MAPK10: variants seen among roughly 807,000 people sequenced by gnomAD.
MAPK10 encodes mitogen-activated protein kinase 10.
In MAPK10, 25 loss-of-function variants were observed where a neutral mutation model predicts 59.3. The ratio of observed to expected loss-of-function variants is 0.42; its 90% CI spans 0.31 to 0.59. The LOEUF (loss-of-function observed/expected upper bound fraction) is 0.59. Among genes scored for constraint, MAPK10 ranks in the 20% least tolerant of loss-of-function variants. The pLI, the probability that MAPK10 is intolerant of heterozygous loss-of-function variation, is 0.15. For missense variants in MAPK10, 351 were observed against 568.9 expected, an observed-to-expected ratio of 0.62 and a Z score of 3.90; for synonymous variants, 190 against 200.5, an observed-to-expected ratio of 0.95 and a Z score of 0.44.
Position 86,367,653 on chromosome 4 carries a change from T to G in MAPK10, c.-121-13009A>C, listed in dbSNP as rs6816691. ...GTATTCTTATGTAGCAAGCATTTGTTTTTTTTTTTGTTTTGTTTTGTTTTT... is the reference window on the plus strand; with the variant it reads ...GTATTCTTATGTAGCAAGCATTTGTGTTTTTTTTTGTTTTGTTTTGTTTTT... On this transcript the variant is annotated intron_variant, in intron 1 of 13. Coordinates refer to the MAPK10 transcript ENST00000361569. Among the ~76,000 whole-genome samples, 308 of 150,650 alleles carry G rather than the reference T, an allele frequency of 2.0e-3. 1 individual carries two copies. The highest frequency in any genetic ancestry group is 6.9e-3 in the African/African-American group (284 of 41,178).
chr4:86,114,180 G>T (rs1213986997), intron 4 of MAPK10, among the ~76,000 whole-genome samples: 1 of 152,104 alleles, frequency 6.6e-6, no homozygotes, highest in African/African-American at 2.4e-5. Context: ...GCTCAGCAAA[G>T]TTCGTTATTA....
chr4:86,444,284 G>T (rs918314663), intron 1 of MAPK10, among the ~76,000 whole-genome samples: 5 of 151,998 alleles, frequency 3.3e-5, no homozygotes, highest in Non-Finnish European at 5.9e-5. Context: ...GTATTCAAAT[G>T]GCAGAAAATC....
intron 1 of MAPK10, among the ~76,000 whole-genome samples, chr4:86,502,783 C>T (rs572653062): frequency 1.3e-5 from 2 of 152,174 alleles, no homozygotes; most frequent in Admixed American, 6.5e-5. Context: ...TTTCAGTCAA[C>T]GTTTATCTCT....
intron 1 of MAPK10, among the ~76,000 whole-genome samples, chr4:86,512,034 C>T: frequency 6.6e-6 from 1 of 152,008 alleles, no homozygotes; most frequent in East Asian, 1.9e-4. Flanking sequence ...TCAAGCAGAA[C>T]AAAAATTACA....
chr4:86,569,780 T>C (rs1761324300), intron 1 of MAPK10, among the ~76,000 whole-genome samples: 1 of 151,906 alleles, frequency 6.6e-6, no homozygotes, highest in South Asian at 2.1e-4. Context: ...AATGGAGTAA[T>C]AGACACTGGG....
At chr4:86,460,929 G>A (rs1250576921) in intron 1 of MAPK10, among the ~76,000 whole-genome samples, 1 of 152,154 alleles carries the variant, frequency 6.6e-6, no homozygotes, top group African/African-American at 2.4e-5. Context: ...TGAAGGCTGT[G>A]AGACCCCTGA....
At chr4:86,538,008 G>A (rs992957827) in intron 1 of MAPK10, among the ~76,000 whole-genome samples, 1 of 152,094 alleles carries the variant, frequency 6.6e-6, no homozygotes. Context: ...ATGGATTGGT[G>A]TAGTAAGATA....
chr4:86,397,457 G>T lies in MAPK10; in HGVS notation c.-121-42813C>A, dbSNP rs536067518. On this transcript the variant is annotated intron_variant, in intron 1 of 13. Transcript: ENST00000361569. Reference sequence around the variant, plus strand: ...ACATATTTCATGTAGTATTGCCAAGGGATAGAGAGTACTTTAAGACAGATG... The same window carrying T: ...ACATATTTCATGTAGTATTGCCAAGTGATAGAGAGTACTTTAAGACAGATG... Among the ~76,000 whole-genome samples, 15 of 152,166 alleles carry T rather than the reference G, an allele frequency of 9.9e-5. No homozygotes were observed. The East Asian group carries it at 2.9e-3, about 29-fold the overall frequency.
intron 2 of MAPK10, among the ~76,000 whole-genome samples, chr4:86,240,037 G>T (rs11942108): frequency 5.3e-5 from 8 of 152,066 alleles, no homozygotes; most frequent in Admixed American, 6.6e-5. Context: ...CAGAGACTCT[G>T]GTATGTTGTC....
intron 4 of MAPK10, among the ~76,000 whole-genome samples, chr4:86,128,513 G>A (rs1291005337): frequency 3.3e-5 from 5 of 152,024 alleles, no homozygotes; most frequent in African/African-American, 9.7e-5. Context: ...GAAGAAGGAC[G>A]TGTTTGCTTC....
intron 1 of MAPK10, among the ~76,000 whole-genome samples, chr4:86,575,906 A>G (rs1054362141): frequency 1.8e-4 from 27 of 152,048 alleles, no homozygotes; most frequent in African/African-American, 6.5e-4. Context: ...AAAAAATAGC[A>G]TTTGGAGTAA....
intron 2 of MAPK10, among the ~76,000 whole-genome samples, chr4:86,256,069 C>G (rs1299843825): frequency 6.6e-6 from 1 of 152,176 alleles, no homozygotes; most frequent in Non-Finnish European, 1.5e-5. Flanking sequence ...AGGCACCAGA[C>G]AAGTTTCTAC....
At chr4:86,165,854 T>G (rs2071513195) in intron 3 of MAPK10, among the ~76,000 whole-genome samples, 1 of 152,060 alleles carries the variant, frequency 6.6e-6, no homozygotes, top group African/African-American at 2.4e-5. Context: ...CACTTTTACA[T>G]TAGTTAGTTG....
chr4:86,590,484 T>C (rs1036078152), intron 1 of MAPK10, among the ~76,000 whole-genome samples: 2 of 152,198 alleles, frequency 1.3e-5, no homozygotes, highest in African/African-American at 2.4e-5. Flanking sequence ...GGACATTTGA[T>C]TAGAATTATA....
At chr4:86,423,318 C>T (rs1286027339) in intron 1 of MAPK10, among the ~76,000 whole-genome samples, 1 of 152,160 alleles carries the variant, frequency 6.6e-6, no homozygotes, top group Non-Finnish European at 1.5e-5. Flanking sequence ...TCTTAAAATG[C>T]TGGCACATCA....
At chr4:86,169,220 CT>C (rs1392035167) in intron 3 of MAPK10, among the ~76,000 whole-genome samples, 1 of 152,230 alleles carries the variant, frequency 6.6e-6, no homozygotes, top group Non-Finnish European at 1.5e-5. Context: ...CAGAGAATGA[CT>C]TTGACGAGTT....
chr4:86,459,552 T>C (rs1330607365), intron 1 of MAPK10, among the ~76,000 whole-genome samples: 1 of 152,140 alleles, frequency 6.6e-6, no homozygotes, highest in East Asian at 1.9e-4. Flanking sequence ...TATGTATATA[T>C]AGATAGATAG....
intron 2 of MAPK10, among the ~76,000 whole-genome samples, chr4:86,202,967 T>A (rs1239388353): frequency 2.0e-5 from 3 of 151,962 alleles, no homozygotes; most frequent in Admixed American, 6.6e-5. Flanking sequence ...GCTAATTGTT[T>A]TTCCTGGTAG....
At chr4:86,055,933 T>C (rs1164455627) in intron 11 of MAPK10, among the ~76,000 whole-genome samples, 2 of 149,972 alleles carry the variant, frequency 1.3e-5, no homozygotes, top group Non-Finnish European at 3.0e-5. Flanking sequence ...CAAACAAAAA[T>C]AATGCCTATT....
Sources: allele counts gnomAD v4.1 joint callset (sites outside exome capture counted in the v4.1 genomes callset), GRCh38; gene constraint gnomAD v4.1.1; transcripts MANE v1.5; gene names NCBI Gene and HGNC (gene_info 2026-07-23, HGNC 2026-07-21).